Variants in DLGAP1 observed in about 807,000 individuals in gnomAD.
DLGAP1 encodes the protein DLG associated protein 1, also known as disks large-associated protein 1.
Under a neutral mutation model 90.8 loss-of-function variants are expected in DLGAP1, and 11 were observed. The observed-to-expected ratio is 0.12, with a 90% CI of 0.08 to 0.20. The LOEUF (loss-of-function observed/expected upper bound fraction) is 0.20, where lower values mean the gene tolerates loss of function less well. DLGAP1 is among the 10% of genes least tolerant of loss of function. The probability of loss-of-function intolerance (pLI) is 1.00; values close to 1 mark genes in which losing one functional copy is unlikely to be tolerated. For missense variants in DLGAP1, 1,050 were observed against 1,333.8 expected (o/e 0.79, Z 3.31); for synonymous variants, 558 against 540.7 (o/e 1.03, Z -0.44).
In DLGAP1 at chr18:4,136,941, G is replaced by T. The variant is rs12967603; in HGVS notation, c.-159+14239C>A. Among the ~76,000 whole-genome samples the T allele has an allele frequency of 8.0e-4, 121 of 152,024 alleles. 1 individual carries two copies. The highest frequency in any genetic ancestry group is 2.8e-3 in the African/African-American group (116 of 41,404). On this transcript the variant is annotated intron_variant, in intron 2 of 12. Coordinates refer to ENST00000315677, the MANE Select transcript of DLGAP1 (RefSeq NM_004746.4). The stretch of plus-strand genomic sequence containing the variant: ...ATACTTTAAGTTTTAGGGTACATGT[G>T]CACAACGTGCAGGTTAGTTACATAT...
intron 10 of DLGAP1, among the ~76,000 whole-genome samples, chr18:3,523,729 C>A (rs1428824005): frequency 1.3e-5 from 2 of 151,940 alleles, no homozygotes; most frequent in Non-Finnish European, 2.9e-5. Flanking sequence ...CGCCCGTAGT[C>A]CCAGCTACAC....
intron 7 of DLGAP1, among the ~76,000 whole-genome samples, chr18:3,714,639 G>GT (rs869196557): frequency 0.013 from 1,212 of 93,008 alleles, 21 homozygotes; most frequent in East Asian, 0.053. Flanking sequence ...TGATTACGTG[G>GT]TTTTTTTTTT....
chr18:3,829,465 T>A (rs866926550), intron 4 of DLGAP1, among the ~76,000 whole-genome samples: 2 of 25,758 alleles, frequency 7.8e-5, no homozygotes, highest in African/African-American at 2.8e-4. Context: ...GGGTGGAGGG[T>A]GGGGAAGGTT....
At chr18:3,673,310 C>G (rs1079065) in intron 7 of DLGAP1, among the ~76,000 whole-genome samples, 65,001 of 151,956 alleles carry the variant, frequency 0.43, 14,947 homozygotes, top group East Asian at 0.67. Flanking sequence ...TTGCATATCT[C>G]TATTATGGCC....
intron 5 of DLGAP1, among the ~76,000 whole-genome samples, chr18:3,786,476 T>C (rs1463796266): frequency 3.3e-5 from 5 of 152,170 alleles, no homozygotes; most frequent in African/African-American, 1.2e-4. Flanking sequence ...GTGAATAATA[T>C]CTTTCTAATG....
intron 4 of DLGAP1, among the ~76,000 whole-genome samples, chr18:3,814,649 C>A (rs933208280): frequency 4.6e-5 from 7 of 152,132 alleles, no homozygotes; most frequent in African/African-American, 7.2e-5. Flanking sequence ...GCTAACATTT[C>A]TAATTTTTAT....
Position 3,879,556 on chromosome 18 carries a change from G to A in DLGAP1, c.513C>T (p.Asp171=). 2 of 1,598,920 alleles carry A rather than the reference G, an allele frequency of 1.3e-6. No homozygotes were observed. The highest frequency in any genetic ancestry group is 1.7e-6 in the Non-Finnish European group (2 of 1,177,568). The change falls in exon 4 of 13, where the codon GAC becomes GAT. Residue 171 remains aspartate (D), a synonymous_variant. Coordinates refer to ENST00000315677, the MANE Select transcript of DLGAP1 (RefSeq NM_004746.4). This position sits in a 1 kb window ranked among gnomAD's most constrained non-coding sequence, Gnocchi z 6.6. The part of the protein sequence containing the change: ...GSVNGGKASP[D]EAQAARYGKR... ...TGCCATAGCGCGCCGCCTGCGCCTCGTCAGGGCTGGCCTTGCCCCCGTTGA... is the reference window on the plus strand; with the variant it reads ...TGCCATAGCGCGCCGCCTGCGCCTCATCAGGGCTGGCCTTGCCCCCGTTGA...
chr18:3,524,306 G>GTA (rs1239359645), intron 10 of DLGAP1, among the ~76,000 whole-genome samples: 1 of 151,618 alleles, frequency 6.6e-6, no homozygotes, highest in Non-Finnish European at 1.5e-5. Context: ...AGAAATTGTG[G>GTA]TATATATATA....
rs1253061852 is a variant in DLGAP1 at position 4,015,809 on chromosome 18, A to G, written c.-158-10608T>C. Reference sequence around the variant, plus strand: ...TGTCAACAATTGCATAGCACACTATAACAAAAATCATACAATGATACTAAT... The same window carrying G: ...TGTCAACAATTGCATAGCACACTATGACAAAAATCATACAATGATACTAAT... On this transcript the variant is annotated intron_variant, in intron 2 of 12. Coordinates refer to ENST00000315677, the MANE Select transcript of DLGAP1 (RefSeq NM_004746.4). Among the ~76,000 whole-genome samples the G allele has an allele frequency of 2.0e-5, 3 of 152,348 alleles. No homozygotes were observed. The East Asian group carries it at 5.8e-4, about 29-fold the overall frequency.
intron 7 of DLGAP1, among the ~76,000 whole-genome samples, chr18:3,717,582 T>G (rs2061808804): frequency 6.6e-6 from 1 of 152,192 alleles, no homozygotes; most frequent in Non-Finnish European, 1.5e-5. Context: ...GGGTGACATG[T>G]GACCACCCCA....
intron 5 of DLGAP1, among the ~76,000 whole-genome samples, chr18:3,806,552 G>A (rs1446652475): frequency 3.3e-5 from 5 of 152,230 alleles, no homozygotes; most frequent in African/African-American, 9.6e-5. Flanking sequence ...GAATAAATGA[G>A]TGAGTGAGTG....
chr18:3,663,203 G>C (rs1217846223), intron 7 of DLGAP1, among the ~76,000 whole-genome samples: 1 of 151,964 alleles, frequency 6.6e-6, no homozygotes, highest in East Asian at 1.9e-4. Context: ...TCTGGGAGGT[G>C]GAGGTTGTAG....
chr18:3,759,151 C>T (rs1476003838), intron 5 of DLGAP1, among the ~76,000 whole-genome samples: 1 of 151,982 alleles, frequency 6.6e-6, no homozygotes, highest in African/African-American at 2.4e-5. Context: ...TTTGGTATCT[C>T]CTAGAAGCTC....
At position 4,084,987 on chromosome 18, in the gene DLGAP1, T is replaced by C. The variant is rs2075661753; in HGVS notation, c.-159+66193A>G. 6.6e-6 allele frequency among the ~76,000 whole-genome samples: 1 copy of C among 152,028 alleles called. No homozygotes were observed. On this transcript the variant is annotated intron_variant, in intron 2 of 12. Transcript: ENST00000315677. The surrounding 1 kb of genome is among the most constrained non-coding windows in gnomAD (Gnocchi z 4.0). ...TCCAGGATGGTTAATGGGGAAGACA[T>C]CACACACTCAAAACTGCAGACTGCA...
At chr18:3,550,635 A>G (rs1568177423) in intron 9 of DLGAP1, among the ~76,000 whole-genome samples, 1 of 152,052 alleles carries the variant, frequency 6.6e-6, no homozygotes, top group East Asian at 1.9e-4. Flanking sequence ...CAGAGGAGAG[A>G]CGACATGAAG....
At chr18:3,678,719 TTA>T (rs1330738334) in intron 7 of DLGAP1, among the ~76,000 whole-genome samples, 1 of 152,232 alleles carries the variant, frequency 6.6e-6, no homozygotes, top group Non-Finnish European at 1.5e-5. Flanking sequence ...TTCTCAAATT[TTA>T]TAGAAATGCA....
chr18:4,404,353 C>T (rs769880850), intron 1 of DLGAP1, among the ~76,000 whole-genome samples: 14 of 152,132 alleles, frequency 9.2e-5, no homozygotes, highest in Non-Finnish European at 1.8e-4. Context: ...AGTTTTCCTT[C>T]CTAATAATTA....
At chr18:3,975,147 A>G (rs1401597821) in intron 3 of DLGAP1, among the ~76,000 whole-genome samples, 1 of 152,134 alleles carries the variant, frequency 6.6e-6, no homozygotes, top group African/African-American at 2.4e-5. Context: ...TGAACTGTAC[A>G]CTCAAAGAAA....
At chr18:4,262,660 C>T (rs7235593) in intron 1 of DLGAP1, among the ~76,000 whole-genome samples, 10 of 152,172 alleles carry the variant, frequency 6.6e-5, no homozygotes, top group African/African-American at 1.7e-4. Flanking sequence ...CCAGGTGCTA[C>T]GTGGGCAACA....
Sources: allele counts gnomAD v4.1 joint callset (sites outside exome capture counted in the v4.1 genomes callset), GRCh38; gene constraint gnomAD v4.1.1; non-coding constraint Gnocchi (gnomAD v3.1); transcripts MANE v1.5; gene names NCBI Gene and HGNC (gene_info 2026-07-23, HGNC 2026-07-21).